Variants in ACAD11 observed in about 807,000 individuals in gnomAD.
ACAD11 encodes the protein acyl-Coenzyme A dehydrogenase family, member 11.
ACAD11 carries 83 observed loss-of-function variants against 102.2 expected under a neutral mutation model. The ratio of observed to expected loss-of-function variants is 0.81; its 90% confidence interval spans 0.68 to 0.97. The LOEUF (loss-of-function observed/expected upper bound fraction) is 0.97, where lower values mean the gene tolerates loss of function less well. ACAD11 is among the 50% of genes least tolerant of loss of function. The pLI is 0.00. For synonymous variants in ACAD11, 324 were observed against 319.8 expected, an observed-to-expected ratio of 1.01 and a Z score of -0.14; for missense variants, 901 against 951.7, an observed-to-expected ratio of 0.95 and a Z score of 0.70.
chr3:132,644,909 A>G lies in ACAD11; in HGVS notation c.150-13T>C. The stretch of plus-strand genomic sequence containing the variant: ...GGACTTTCCTGCTCTAGATAAAAGT[A>G]AAAAAAAAAAAGGTCAATTACAAAG... On this transcript the variant is annotated splice_polypyrimidine_tract_variant and intron_variant, in intron 1 of 19. Coordinates refer to ENST00000264990, the MANE Select transcript of ACAD11 (RefSeq NM_032169.5). 2 of 414,122 alleles carry G rather than the reference A, an allele frequency of 4.8e-6. No individual in the cohort carries two copies. The highest frequency in any genetic ancestry group is 6.7e-5 in the South Asian group (1 of 14,822). The allele number at this position is 414,122 out of a possible 1,614,324, so 25.7% of individuals were successfully genotyped here. A position where few individuals can be genotyped will look rare whatever the true frequency, so the allele number is the denominator to read the frequency against.
intron 1 of ACAD11, chr3:132,646,575 A>T (rs145324944): frequency 2.0e-5 from 3 of 152,274 alleles, no homozygotes; most frequent in Non-Finnish European, 2.9e-5. Context: ...GTGACCCAGC[A>T]AGTCTGCTTC....
At chr3:132,645,700 C>T (rs1940691057) in intron 1 of ACAD11, 1 of 152,148 alleles carries the variant, frequency 6.6e-6, no homozygotes, top group Non-Finnish European at 1.5e-5. Context: ...GAGCTTCTTC[C>T]CAGGACTCCA....
chr3:132,647,064 G>A (rs920875523), intron 1 of ACAD11: 6 of 152,036 alleles, frequency 3.9e-5, no homozygotes, highest in Admixed American at 2.6e-4. Flanking sequence ...ACTTTAAAAC[G>A]GTTAAATTTT....
chr3:132,585,151 G>C (rs896748703), intron 13 of ACAD11, among the ~76,000 whole-genome samples: 8 of 152,134 alleles, frequency 5.3e-5, no homozygotes, highest in Non-Finnish European at 1.0e-4. Flanking sequence ...CAGAGATATA[G>C]ACCAATGGAA....
intron 13 of ACAD11, among the ~76,000 whole-genome samples, chr3:132,587,819 G>A (rs78174962): frequency 0.025 from 3,780 of 152,238 alleles, 173 homozygotes; most frequent in African/African-American, 0.086. Flanking sequence ...AAATTTCAGC[G>A]TAGTTCTTAT....
intron 3 of ACAD11, 151 bp from the exon 4 acceptor site, chr3:132,642,284 AT>A (rs1940555628): frequency 1.3e-6 from 1 of 748,554 alleles, no homozygotes; most frequent in Non-Finnish European, 2.1e-6. Context: ...GAATATAAAC[AT>A]CAAAACTACT....
chr3:132,649,196 C>A (rs907303990), intron 1 of ACAD11, among the ~76,000 whole-genome samples: 1 of 152,212 alleles, frequency 6.6e-6, no homozygotes. Context: ...ACCTGACCGT[C>A]CCCCAGCCCG....
chr3:132,645,493 T>A (rs1158573254), intron 1 of ACAD11, among the ~76,000 whole-genome samples: 1 of 152,146 alleles, frequency 6.6e-6, no homozygotes, highest in Non-Finnish European at 1.5e-5. Flanking sequence ...GAACAGAAAT[T>A]CTCACCTAAA....
intron 13 of ACAD11, among the ~76,000 whole-genome samples, chr3:132,580,614 A>C (rs1269588234): frequency 6.6e-6 from 1 of 152,040 alleles, no homozygotes; most frequent in African/African-American, 2.4e-5. Flanking sequence ...TAGTTATTGG[A>C]AATGTCATGA....
intron 4 of ACAD11, among the ~76,000 whole-genome samples, 169 bp downstream of exon 4, chr3:132,641,803 A>G (rs1229849534): frequency 1.3e-5 from 2 of 152,234 alleles, no homozygotes; most frequent in East Asian, 3.8e-4. Context: ...AAAACCTAAT[A>G]TAAAAACATA....
intron 13 of ACAD11, among the ~76,000 whole-genome samples, chr3:132,599,351 G>T (rs1418408268): frequency 6.6e-6 from 1 of 151,374 alleles, no homozygotes; most frequent in Non-Finnish European, 1.5e-5. Flanking sequence ...ACTAAAAATA[G>T]AAAAAATTAG....
chr3:132,567,534 G>T (rs778008049), intron 17 of ACAD11, among the ~76,000 whole-genome samples: 14 of 151,762 alleles, frequency 9.2e-5, no homozygotes, highest in Non-Finnish European at 2.1e-4. Flanking sequence ...TAACCCACAG[G>T]AATGCAGGAA....
chr3:132,619,751 A>C (rs938225865), intron 9 of ACAD11, among the ~76,000 whole-genome samples: 5 of 152,230 alleles, frequency 3.3e-5, no homozygotes, highest in Admixed American at 6.5e-5. Context: ...AGGCTACTAA[A>C]ATCTTATACC....
chr3:132,571,221 CTT>C (rs199572940), intron 17 of ACAD11, among the ~76,000 whole-genome samples: 1 of 150,706 alleles, frequency 6.6e-6, no homozygotes, highest in African/African-American at 2.4e-5. Flanking sequence ...CTCACTGTGG[CTT>C]TTTTTTTATT....
chr3:132,610,428 C>G (rs1051139837), intron 11 of ACAD11, among the ~76,000 whole-genome samples: 1 of 152,100 alleles, frequency 6.6e-6, no homozygotes, highest in African/African-American at 2.4e-5. Context: ...ACCAACGAAT[C>G]CAGGAGCTGG....
Position 132,642,805 on chromosome 3 carries a change from A to G in ACAD11, c.250-3T>C. The G allele has an allele frequency of 6.2e-7, 1 of 1,603,344 alleles. No homozygotes were observed. The highest frequency in any genetic ancestry group is 8.5e-7 in the Non-Finnish European group (1 of 1,176,954). On this transcript the variant is annotated splice_region_variant and splice_polypyrimidine_tract_variant and intron_variant, in intron 2 of 19. Coordinates refer to ENST00000264990, the MANE Select transcript of ACAD11 (RefSeq NM_032169.5). ...TGGACTTTAAATTCTCTATCAATCT[A>G]AATAGGATGATGAATCATTAAAAAT...
intron 13 of ACAD11, among the ~76,000 whole-genome samples, chr3:132,588,524 T>A (rs1306385281): frequency 6.6e-6 from 1 of 152,170 alleles, no homozygotes; most frequent in Non-Finnish European, 1.5e-5. Context: ...CTCTAAAATT[T>A]CAAAACCAAT....
intron 13 of ACAD11, among the ~76,000 whole-genome samples, chr3:132,583,406 T>C (rs1406498757): frequency 1.3e-5 from 2 of 152,208 alleles, no homozygotes; most frequent in Non-Finnish European, 2.9e-5. Flanking sequence ...ATCCCCTTTA[T>C]CATTTTTTAT....
chr3:132,613,976 C>T (rs1219095535), intron 11 of ACAD11, among the ~76,000 whole-genome samples: 1 of 152,128 alleles, frequency 6.6e-6, no homozygotes, highest in African/African-American at 2.4e-5. Flanking sequence ...TCAGCAAAGT[C>T]TCAGGATACA....
Sources: allele counts gnomAD v4.1 joint callset (sites outside exome capture counted in the v4.1 genomes callset), GRCh38; gene constraint gnomAD v4.1.1; transcripts MANE v1.5; gene names NCBI Gene and HGNC (gene_info 2026-07-23, HGNC 2026-07-21).